Variants in SNX9 observed in about 807,000 individuals in gnomAD.
The protein encoded by SNX9 is sorting nexin-9.
In SNX9, 44 loss-of-function variants were observed where a neutral mutation model predicts 89.4. The ratio of observed to expected loss-of-function variants is 0.49; its 90% CI spans 0.39 to 0.63. The LOEUF (loss-of-function observed/expected upper bound fraction) is 0.63, where lower values mean the gene tolerates loss of function less well. Among genes scored for constraint, SNX9 ranks in the 30% least tolerant of loss-of-function variants. The pLI is 0.00. For synonymous variants in SNX9, 236 were observed against 247.8 expected, an observed-to-expected ratio of 0.95 and a Z score of 0.45; for missense variants, 578 against 736.1, an observed-to-expected ratio of 0.79 and a Z score of 2.49.
chr6:157,912,670 T>C (rs1209051982), intron 9 of SNX9, among the ~76,000 whole-genome samples: 1 of 152,204 alleles, frequency 6.6e-6, no homozygotes, highest in Non-Finnish European at 1.5e-5. Context: ...AAAGGAATGC[T>C]TAGTAGGTGA....
intron 1 of SNX9, among the ~76,000 whole-genome samples, chr6:157,846,956 A>G (rs1781816995): frequency 6.6e-6 from 1 of 152,182 alleles, no homozygotes. Context: ...CTGAGGGATG[A>G]GAATCACTTG....
At chr6:157,876,040 A>G (rs141876827) in intron 4 of SNX9, among the ~76,000 whole-genome samples, 180 of 152,294 alleles carry the variant, frequency 1.2e-3, no homozygotes, top group African/African-American at 3.2e-3. Context: ...ATCTTTAGAA[A>G]TGAATGGGCT....
chr6:157,918,200 C>T (rs564420132), intron 9 of SNX9, among the ~76,000 whole-genome samples: 7 of 152,140 alleles, frequency 4.6e-5, no homozygotes, highest in African/African-American at 1.7e-4. Context: ...TATTGAGTAT[C>T]GGGTATTGAA....
chr6:157,827,264 ATATAT>A (rs1337661114), intron 1 of SNX9, among the ~76,000 whole-genome samples: 1 of 1,356 alleles, frequency 7.4e-4, no homozygotes, highest in Admixed American at 0.019. Flanking sequence ...ATATATAAAC[ATATAT>A]TATAGTTTAT....
intron 15 of SNX9, among the ~76,000 whole-genome samples, chr6:157,938,400 G>A (rs1007914067): frequency 6.6e-6 from 1 of 152,118 alleles, no homozygotes; most frequent in African/African-American, 2.4e-5. Context: ...CTCTTTTGTT[G>A]TAGCATAAAA....
chr6:157,873,328 C>T (rs944962600), intron 3 of SNX9, 152 bp downstream of exon 3: 8 of 457,070 alleles, frequency 1.8e-5, no homozygotes, highest in African/African-American at 4.0e-5. Flanking sequence ...ATGGAAACTA[C>T]ATTGAAATAG....
intron 10 of SNX9, among the ~76,000 whole-genome samples, chr6:157,923,437 A>AT (rs891521865): frequency 5.3e-5 from 8 of 152,150 alleles, no homozygotes; most frequent in African/African-American, 1.9e-4. Context: ...CTAAAAAAAA[A>AT]ATAACCTGTC....
At chr6:157,922,943 G>A (rs752505532) in intron 10 of SNX9, among the ~76,000 whole-genome samples, 1 of 152,170 alleles carries the variant, frequency 6.6e-6, no homozygotes, top group Non-Finnish European at 1.5e-5. Context: ...TTGCCTTCCT[G>A]GTTCCCACAA....
At position 157,938,622 on chromosome 6, in the gene SNX9, A is replaced by G. The variant is rs369580060; in HGVS notation, c.1534-11A>G. On this transcript the variant is annotated splice_polypyrimidine_tract_variant and intron_variant, in intron 15 of 17. Transcript: ENST00000392185. ...AGCTTTATTCATACTGTTGCATTTT[A>G]TATTTCACAGGGAGCAATAGAAAAA... 5.8e-5 allele frequency: 91 copies of G among 1,570,294 alleles called. No individual in the cohort carries two copies. Among genetic ancestry groups the G allele is most frequent in the Non-Finnish European group, 7.8e-5 (89 of 1,141,062 alleles).
intron 1 of SNX9, among the ~76,000 whole-genome samples, chr6:157,833,995 C>T (rs560642969): frequency 1.3e-5 from 2 of 152,036 alleles, no homozygotes; most frequent in African/African-American, 2.4e-5. Flanking sequence ...CTGGGGGCTA[C>T]GTCAGGTTTT....
chr6:157,893,961 C>A (rs183863463), intron 4 of SNX9, among the ~76,000 whole-genome samples: 11 of 152,016 alleles, frequency 7.2e-5, no homozygotes, highest in African/African-American at 2.4e-4. Flanking sequence ...CAGCTATAGA[C>A]CCAAATCTGA....
intron 16 of SNX9, among the ~76,000 whole-genome samples, chr6:157,940,305 G>A (rs1784011603): frequency 6.6e-6 from 1 of 152,232 alleles, no homozygotes; most frequent in Non-Finnish European, 1.5e-5. Context: ...GATTCTGTTA[G>A]AGTAATAGGC....
chr6:157,897,070 GT>G, intron 5 of SNX9, 72 bp downstream of exon 5: 1 of 1,419,002 alleles, frequency 7.0e-7, no homozygotes, highest in Non-Finnish European at 9.4e-7. Flanking sequence ...AGACCGAACT[GT>G]TTTTGCTGTT....
At chr6:157,913,649 G>A (rs566229359) in intron 9 of SNX9, among the ~76,000 whole-genome samples, 3 of 152,176 alleles carry the variant, frequency 2.0e-5, no homozygotes, top group South Asian at 2.1e-4. Context: ...AGGTTCCCTC[G>A]TGCTGCCCAT....
intron 4 of SNX9, among the ~76,000 whole-genome samples, chr6:157,875,994 TAAAAA>T (rs898301602): frequency 1.3e-5 from 2 of 149,786 alleles, no homozygotes; most frequent in African/African-American, 2.5e-5. Flanking sequence ...AAAAAAAAGT[TAAAAA>T]AAAAGAATTA....
chr6:157,885,562 A>G (rs1054551011), intron 4 of SNX9, among the ~76,000 whole-genome samples: 2 of 152,176 alleles, frequency 1.3e-5, no homozygotes, highest in African/African-American at 4.8e-5. Context: ...AGAATCAGAT[A>G]TTATTTGCTT....
intron 1 of SNX9, among the ~76,000 whole-genome samples, chr6:157,865,358 A>C (rs1333649176): frequency 1.3e-5 from 2 of 152,034 alleles, no homozygotes; most frequent in South Asian, 2.1e-4. Flanking sequence ...AAAAAAAAAA[A>C]ACACCACATA....
intron 13 of SNX9, among the ~76,000 whole-genome samples, chr6:157,933,882 T>A (rs943865510): frequency 2.0e-5 from 3 of 152,254 alleles, no homozygotes; most frequent in Non-Finnish European, 4.4e-5. Context: ...ATGTTCCATA[T>A]TGCAAATAGC....
At chr6:157,878,336 G>A (rs1311454950) in intron 4 of SNX9, among the ~76,000 whole-genome samples, 6 of 152,050 alleles carry the variant, frequency 3.9e-5, no homozygotes, top group African/African-American at 1.2e-4. Flanking sequence ...GACTGAAACA[G>A]TTTGATTTGG....
Sources: gnomAD v4.1 joint callset for allele counts (sites outside exome capture counted in the v4.1 genomes callset) on GRCh38, gnomAD v4.1.1 for gene constraint, MANE v1.5 for transcripts, NCBI Gene and HGNC (gene_info 2026-07-23, HGNC 2026-07-21) for gene names.